The following SCD5 variants were observed in gnomAD, a reference collection of about 807,000 sequenced individuals.
The protein encoded by SCD5 is stearoyl-CoA desaturase 5.
SCD5 carries 20 observed loss-of-function variants against 30.4 expected under a neutral mutation model. That is an observed-to-expected ratio of 0.66 (90% CI 0.46 to 0.96). The LOEUF is 0.96. Among genes scored for constraint, SCD5 ranks in the 40% least tolerant of loss-of-function variants. The pLI, the probability that SCD5 is intolerant of heterozygous loss-of-function variation, is 0.00. For synonymous variants in SCD5, 173 were observed against 176.4 expected (o/e 0.98, Z 0.16); for missense variants, 381 against 443.3 (o/e 0.86, Z 1.26).
intron 1 of SCD5, among the ~76,000 whole-genome samples, chr4:82,716,194 CG>C (rs1368006732): frequency 1.3e-5 from 2 of 151,580 alleles, no homozygotes; most frequent in African/African-American, 4.9e-5. Context: ...TTCCGGGTGT[CG>C]GGGAGATCAT....
chr4:82,635,811 C>T (rs1727417146), intron 4 of SCD5, among the ~76,000 whole-genome samples: 1 of 152,080 alleles, frequency 6.6e-6, no homozygotes, highest in Non-Finnish European at 1.5e-5. Context: ...GTGGAGGAAC[C>T]AGGACTCAAC....
chr4:82,668,062 A>C (rs1303518870), intron 3 of SCD5, among the ~76,000 whole-genome samples: 2 of 152,202 alleles, frequency 1.3e-5, no homozygotes, highest in Non-Finnish European at 2.9e-5. Flanking sequence ...CAACAACAAA[A>C]AGAGTCTTGC....
chr4:82,632,403 T>C (rs944957385), intron 4 of SCD5, among the ~76,000 whole-genome samples: 2 of 152,166 alleles, frequency 1.3e-5, no homozygotes, highest in Non-Finnish European at 2.9e-5. Context: ...CCATGGTGTA[T>C]ATGTGCCACA....
At chr4:82,697,452 C>G (rs1328954047) in intron 2 of SCD5, among the ~76,000 whole-genome samples, 2 of 152,150 alleles carry the variant, frequency 1.3e-5, no homozygotes, top group Non-Finnish European at 2.9e-5. Context: ...CTGTGAGAAA[C>G]AGACTAGCCC....
intron 1 of SCD5, among the ~76,000 whole-genome samples, chr4:82,744,823 C>T (rs1032019679): frequency 2.6e-5 from 4 of 151,420 alleles, no homozygotes; most frequent in African/African-American, 9.7e-5. Flanking sequence ...CACTAGATAC[C>T]ATCTTAGGAG....
At chr4:82,757,172 C>T (rs1343995860) in intron 1 of SCD5, among the ~76,000 whole-genome samples, 3 of 152,284 alleles carry the variant, frequency 2.0e-5, no homozygotes, top group Non-Finnish European at 4.4e-5. Context: ...TCTCCTTTCC[C>T]GTCACTCTCT....
intron 3 of SCD5, among the ~76,000 whole-genome samples, chr4:82,679,523 T>C (rs576407593): frequency 6.6e-6 from 1 of 152,328 alleles, no homozygotes; most frequent in African/African-American, 2.4e-5. Flanking sequence ...AAGCTCTTAC[T>C]ATGTGCCAGG....
Position 82,781,118 on chromosome 4 carries a change from A to T in SCD5, c.232+17188T>A, listed in dbSNP as rs74499495. On this transcript the variant is annotated intron_variant, in intron 1 of 4. Transcript: ENST00000319540. ...GCTTGAGAATCATTCACACTAAAAG[A>T]AAAAAGGACTTGAGGGCCGGGCGTG... Among the ~76,000 whole-genome samples, 17 of 152,286 alleles carry T rather than the reference A, an allele frequency of 1.1e-4. No individual in the cohort carries two copies. The East Asian group carries it at 3.3e-3, about 29-fold the overall frequency.
At chr4:82,677,084 A>G (rs1560530909) in intron 3 of SCD5, among the ~76,000 whole-genome samples, 1 of 152,238 alleles carries the variant, frequency 6.6e-6, no homozygotes, top group Non-Finnish European at 1.5e-5. Context: ...TTATCAATCA[A>G]CTGCAATATC....
intron 1 of SCD5, among the ~76,000 whole-genome samples, chr4:82,794,799 A>G (rs965680703): frequency 1.3e-5 from 2 of 151,766 alleles, no homozygotes; most frequent in African/African-American, 4.8e-5. Flanking sequence ...ACAGGTGCCC[A>G]CCACCACGCC....
chr4:82,770,211 T>C (rs1480347492), intron 1 of SCD5, among the ~76,000 whole-genome samples: 2 of 151,998 alleles, frequency 1.3e-5, no homozygotes, highest in Admixed American at 6.6e-5. Context: ...TAGGCCCCGG[T>C]GTGTGATGTT....
chr4:82,716,096 G>T (rs1720220453), intron 1 of SCD5, among the ~76,000 whole-genome samples: 1 of 151,878 alleles, frequency 6.6e-6, no homozygotes, highest in Admixed American at 6.5e-5. Flanking sequence ...AACTAGTTCA[G>T]CCTGAGAGCG....
At chr4:82,677,255 A>G (rs1022772592) in intron 3 of SCD5, among the ~76,000 whole-genome samples, 1 of 152,166 alleles carries the variant, frequency 6.6e-6, no homozygotes, top group South Asian at 2.1e-4. Flanking sequence ...ATTGCCTCCA[A>G]CTGGAATAGG....
At chr4:82,665,378 T>TA (rs1004286482) in intron 3 of SCD5, among the ~76,000 whole-genome samples, 112 of 146,784 alleles carry the variant, frequency 7.6e-4, no homozygotes, top group Middle Eastern at 3.6e-3. Flanking sequence ...CCTCTCTCCT[T>TA]AAAAAAAAAA....
chr4:82,720,441 T>TACAAAAAAAGAAAAAAAAAAAAAAAAA (rs778480466), intron 1 of SCD5, among the ~76,000 whole-genome samples: 1 of 77,940 alleles, frequency 1.3e-5, no homozygotes, highest in Non-Finnish European at 2.4e-5. Context: ...AAGGCAAAAA[T>TACAAAAAAAGAAAAAAAAAAAAAAAAA]AAAAAAAAAA....
At chr4:82,754,163 G>A (rs1328040735) in intron 1 of SCD5, among the ~76,000 whole-genome samples, 1 of 152,182 alleles carries the variant, frequency 6.6e-6, no homozygotes, top group Admixed American at 6.5e-5. Flanking sequence ...CGTTTTGCAG[G>A]AGTTAAGAAG....
intron 3 of SCD5, among the ~76,000 whole-genome samples, chr4:82,647,908 T>C (rs17005974): frequency 0.18 from 28,035 of 151,634 alleles, 2,759 homozygotes; most frequent in East Asian, 0.37. Context: ...AAATCATTAC[T>C]CATTTTTTTT....
chr4:82,631,610 A>G, intron 4 of SCD5, 93 bp from the exon 5 acceptor site: 2 of 1,343,370 alleles, frequency 1.5e-6, no homozygotes, highest in Non-Finnish European at 2.1e-6. Flanking sequence ...TACCATGTGC[A>G]GGACATGGTG....
intron 1 of SCD5, among the ~76,000 whole-genome samples, chr4:82,724,974 G>A (rs1277254676): frequency 1.3e-5 from 2 of 152,146 alleles, no homozygotes; most frequent in African/African-American, 4.8e-5. Flanking sequence ...CCCATGCAAA[G>A]AAAATGGTAG....
Sources: gnomAD v4.1 joint callset for allele counts (sites outside exome capture counted in the v4.1 genomes callset) on GRCh38, gnomAD v4.1.1 for gene constraint, MANE v1.5 for transcripts, NCBI Gene and HGNC (gene_info 2026-07-23, HGNC 2026-07-21) for gene names.